Variants in ZFAND2A observed in about 807,000 individuals in gnomAD.
ZFAND2A encodes the protein AN1-type zinc finger protein 2A.
ZFAND2A carries 20 observed loss-of-function variants against 11.6 expected under a neutral mutation model. That is an observed-to-expected ratio of 1.72 (90% CI 1.21 to 2.50). ZFAND2A has a LOEUF of 2.50. ZFAND2A is among the 30% of genes most tolerant of loss of function. The pLI, the probability that ZFAND2A is intolerant of heterozygous loss-of-function variation, is 0.00. For missense variants in ZFAND2A, 234 were observed against 182.9 expected (o/e 1.28, Z -1.61); for synonymous variants, 93 against 60.6 (o/e 1.54, Z -2.48).
chr7:1,155,364 T>C (rs1793497435), intron 4 of ZFAND2A, 89 bp downstream of exon 4: 1 of 1,545,320 alleles, frequency 6.5e-7, no homozygotes, highest in Non-Finnish European at 8.8e-7. Context: ...CATAAACTAT[T>C]GGGAGTAATT....
downstream of ZFAND2A, among the ~76,000 whole-genome samples, chr7:1,149,106 C>T (rs951588083): frequency 8.5e-5 from 13 of 152,096 alleles, no homozygotes; most frequent in Non-Finnish European, 1.5e-4. Context: ...CTGGATACAT[C>T]TCAGTTTGGA....
intron 4 of ZFAND2A, among the ~76,000 whole-genome samples, chr7:1,153,763 G>A (rs1793455292): frequency 6.6e-6 from 1 of 152,130 alleles, no homozygotes. Context: ...TGGGCAACAT[G>A]GTGAAACCCC....
At chr7:1,159,113 C>T (rs1433178042) in intron 1 of ZFAND2A, among the ~76,000 whole-genome samples, 1 of 152,212 alleles carries the variant, frequency 6.6e-6, no homozygotes, top group African/African-American at 2.4e-5. Context: ...TACACGCCCG[C>T]TACTTAAGGT....
chr7:1,154,300 G>A (rs1438937909), intron 4 of ZFAND2A, among the ~76,000 whole-genome samples: 1 of 152,122 alleles, frequency 6.6e-6, no homozygotes, highest in Non-Finnish European at 1.5e-5. Flanking sequence ...GCAGCCGGGG[G>A]TGGCCCTCCG....
chr7:1,152,055 T>TGCC (rs1486858447), downstream of ZFAND2A: 1 of 571,404 alleles, frequency 1.8e-6, no homozygotes, highest in Non-Finnish European at 2.8e-6. Context: ...ATGCTGCTGC[T>TGCC]GCCGAAAGGT....
chr7:1,156,028 C>T (rs1044664214), intron 3 of ZFAND2A, among the ~76,000 whole-genome samples: 2 of 152,256 alleles, frequency 1.3e-5, no homozygotes, highest in Non-Finnish European at 2.9e-5. Flanking sequence ...CAGATGAGGC[C>T]ACGTGTACCT....
downstream of ZFAND2A, among the ~76,000 whole-genome samples, chr7:1,151,336 C>A (rs1584021841): frequency 6.6e-6 from 1 of 152,174 alleles, no homozygotes; most frequent in Non-Finnish European, 1.5e-5. Context: ...CCTGTGGCCG[C>A]CGCTGGACAA....
rs571918676 is a variant in ZFAND2A, at chr7:1,153,662, G to C, written c.283-438C>G. Among the ~76,000 whole-genome samples the C allele has an allele frequency of 5.0e-4, 76 of 152,310 alleles. 1 individual carries two copies. The highest frequency in any genetic ancestry group is 1.0e-3 in the Non-Finnish European group (70 of 68,036). On this transcript the variant is annotated intron_variant, in intron 4 of 4. Transcript: ENST00000316495. ...TCTCAGTGCAGGTAAGAAGAACATG[G>C]GGCTGGACCCAGTGGCTCACGCCTG...
chr7:1,158,821 G>A (rs1329641771), intron 1 of ZFAND2A, among the ~76,000 whole-genome samples: 1 of 152,094 alleles, frequency 6.6e-6, no homozygotes, highest in South Asian at 2.1e-4. Context: ...TGAAACTACC[G>A]CACTCGAGAG....
intron 1 of ZFAND2A, 79 bp downstream of exon 1, chr7:1,159,885 G>A (rs947604306): frequency 5.6e-6 from 1 of 178,230 alleles, no homozygotes; most frequent in African/African-American, 2.4e-5. Context: ...CTAGCAGACA[G>A]GCCGAACCCC....
At chr7:1,158,046 C>G in intron 2 of ZFAND2A, 112 bp downstream of exon 2, 7 of 1,102,624 alleles carry the variant, frequency 6.3e-6, no homozygotes, top group Non-Finnish European at 8.2e-6. Flanking sequence ...AGCACAGTTC[C>G]CAATACTGAG....
At chr7:1,157,346 G>C in intron 3 of ZFAND2A, 1 of 213,206 alleles carries the variant, frequency 4.7e-6, no homozygotes, top group Non-Finnish European at 9.3e-6. Flanking sequence ...ACAGATCAAA[G>C]GAACCAAGTA....
downstream of ZFAND2A, chr7:1,152,894 A>G (rs1375435755): frequency 3.0e-6 from 3 of 992,850 alleles, no homozygotes; most frequent in Non-Finnish European, 4.7e-6. Context: ...GTGGGCAATG[A>G]GAACAACTAG....
Position 1,157,745 on chromosome 7 carries a change from G to C in ZFAND2A, c.61C>G (p.Leu21Val). 1 of 1,548,222 alleles carries C rather than the reference G, an allele frequency of 6.5e-7. No individual in the cohort carries two copies. The highest frequency in any genetic ancestry group is 1.2e-5 in the South Asian group (1 of 81,988). ...TTACATGCATCACATTTTACTGGAA[G>C]AAAATCTAAAAAACAAAAAACAGGG... Reference protein sequence around the residue: ...SEKTCKQLDFLPVKCDACKQD... With the variant: ...SEKTCKQLDFVPVKCDACKQD... Residue 21 changes from leucine to valine, a missense_variant, in exon 3 of 5, where the codon CTT becomes GTT. Leu to Val is a conservative substitution (Grantham distance 32, BLOSUM62 1). Transcript: ENST00000316495.
At chr7:1,158,358 T>C (rs12702435) in intron 1 of ZFAND2A, 101 bp from the exon 2 acceptor site, 398,667 of 714,538 alleles carry the variant, frequency 0.56, 113,699 homozygotes, top group South Asian at 0.59. Flanking sequence ...AAACGCACTG[T>C]GTGGGGAGCA....
Position 1,153,156 on chromosome 7 carries a change from T to C in ZFAND2A, c.351A>G (p.Gln117=), listed in dbSNP as rs148326148. The C allele has an allele frequency of 6.9e-5, 112 of 1,614,204 alleles. No individual in the cohort carries two copies. The Middle Eastern group carries it at 1.2e-3, about 17-fold the overall frequency. ...KKEMLQMVCA[Q]CHGNFCIQHR... is the part of the protein sequence containing the mutation. Reference sequence around the variant, plus strand: ...GCTGGATACAGAAGTTGCCGTGACATTGGGCACATACCATCTGCAGCATCT... The same window carrying C: ...GCTGGATACAGAAGTTGCCGTGACACTGGGCACATACCATCTGCAGCATCT... Residue 117 remains glutamine, a synonymous_variant, in exon 5 of 5, where the codon CAA becomes CAG. Coordinates refer to ENST00000316495, the MANE Select transcript of ZFAND2A (RefSeq NM_182491.4).
intron 1 of ZFAND2A, among the ~76,000 whole-genome samples, chr7:1,159,252 A>G (rs1375536219): frequency 1.3e-5 from 2 of 152,228 alleles, no homozygotes; most frequent in East Asian, 1.9e-4. Context: ...GGAATTCACA[A>G]GAGTTTGATG....
At position 1,153,086 on chromosome 7, in the gene ZFAND2A, T is replaced by C. The variant is rs1584023866; in HGVS notation, c.421A>G (p.Thr141Ala). 1 of 1,614,118 alleles carries C rather than the reference T, an allele frequency of 6.2e-7. No homozygotes were observed. Among genetic ancestry groups the C allele is most frequent in the East Asian group, 2.2e-5 (1 of 44,882 alleles). Residue 141 changes from threonine to alanine, a missense_variant, in exon 5 of 5, where the codon ACC becomes GCC. Transcript: ENST00000316495. ...GTCTCTTCTCACCCAGCTTTGATGG[T>C]GGGGCGACTCCCGTGTCTGCAGCTG... ...DHSCRHGSRP[T>A]IKAG
chr7:1,155,487 T>C lies in ZFAND2A; in HGVS notation c.248A>G (p.Asp83Gly). 1.2e-6 allele frequency: 2 copies of C among 1,613,648 alleles called. No individual in the cohort carries two copies. The highest frequency in any genetic ancestry group is 2.7e-5 in the African/African-American group (2 of 74,954). The change falls in exon 4 of 5, where the codon GAC becomes GGC. Residue 83 changes from aspartate to glycine, a missense_variant. Asp to Gly is a moderately conservative substitution (Grantham distance 94). Transcript: ENST00000316495. ...CTTCTTCCCAGGGTGAGAGTCACAG[T>C]CTCTGTCAATGTGATCACCAACCAC... Reference protein sequence around the residue: ...DVVVGDHIDRDCDSHPGKKKE... With the variant: ...DVVVGDHIDRGCDSHPGKKKE...
Sources: gnomAD v4.1 joint callset for allele counts (sites outside exome capture counted in the v4.1 genomes callset) on GRCh38, gnomAD v4.1.1 for gene constraint, MANE v1.5 for transcripts, NCBI Gene and HGNC (gene_info 2026-07-23, HGNC 2026-07-21) for gene names.